KCNIP4: variants seen among roughly 807,000 people sequenced by gnomAD.
The protein encoded by KCNIP4 is Kv channel-interacting protein 4.
In KCNIP4, 12 loss-of-function variants were observed where a neutral mutation model predicts 34.0. That is an observed-to-expected ratio of 0.35 (90% CI 0.23 to 0.57). The LOEUF is 0.57. KCNIP4 is among the 20% of genes least tolerant of loss of function. The pLI, the probability that KCNIP4 is intolerant of heterozygous loss-of-function variation, is 0.83. For synonymous variants in KCNIP4, 124 were observed against 102.2 expected, an observed-to-expected ratio of 1.21 and a Z score of -1.29; for missense variants, 238 against 311.7, an observed-to-expected ratio of 0.76 and a Z score of 1.78.
intron 1 of KCNIP4, among the ~76,000 whole-genome samples, chr4:21,108,381 TGATC>T (rs1438660870): frequency 2.0e-5 from 3 of 151,192 alleles, no homozygotes; most frequent in Admixed American, 6.6e-5. Context: ...TTCTTCCAGT[TGATC>T]GCATCGGCTC....
At chr4:21,415,590 T>C (rs1157514952) in intron 1 of KCNIP4, among the ~76,000 whole-genome samples, 1 of 151,008 alleles carries the variant, frequency 6.6e-6, no homozygotes, top group East Asian at 2.0e-4. Flanking sequence ...TAATCCCAAC[T>C]ATTCAGGAGG....
At chr4:20,888,889 C>T (rs1003654464) in intron 1 of KCNIP4, among the ~76,000 whole-genome samples, 2 of 152,210 alleles carry the variant, frequency 1.3e-5, no homozygotes, top group Admixed American at 1.3e-4. Flanking sequence ...CTAAAGGCTA[C>T]CATGCCTGGT....
intron 1 of KCNIP4, among the ~76,000 whole-genome samples, chr4:21,027,993 G>A (rs1261913666): frequency 1.3e-5 from 2 of 152,070 alleles, no homozygotes; most frequent in African/African-American, 2.4e-5. Context: ...CACAATCACT[G>A]TGTCCTTAAC....
intron 1 of KCNIP4, among the ~76,000 whole-genome samples, chr4:21,048,168 G>A (rs7684200): frequency 0.51 from 76,986 of 152,092 alleles, 21,072 homozygotes; most frequent in African/African-American, 0.73. Context: ...ACATTATTCT[G>A]TGGAAATAAA....
At chr4:21,874,783 G>T (rs576995712) in intron 1 of KCNIP4, among the ~76,000 whole-genome samples, 147 of 152,144 alleles carry the variant, frequency 9.7e-4, no homozygotes, top group Middle Eastern at 3.4e-3. Flanking sequence ...ACAACATTTA[G>T]CATTCTTTTT....
chr4:21,400,374 T>C (rs1261345617), intron 1 of KCNIP4, among the ~76,000 whole-genome samples: 2 of 152,138 alleles, frequency 1.3e-5, no homozygotes, highest in African/African-American at 4.8e-5. Flanking sequence ...GGAGTTGAGC[T>C]AGACCTTGGT....
At chr4:21,416,432 C>A (rs1346081879) in intron 1 of KCNIP4, among the ~76,000 whole-genome samples, 1 of 152,064 alleles carries the variant, frequency 6.6e-6, no homozygotes, top group African/African-American at 2.4e-5. Flanking sequence ...TGATTGATAG[C>A]TATTAAATTA....
intron 1 of KCNIP4, among the ~76,000 whole-genome samples, chr4:21,519,056 G>T (rs959318596): frequency 9.2e-5 from 14 of 152,044 alleles, no homozygotes; most frequent in African/African-American, 3.4e-4. Context: ...TTTTCCCACG[G>T]TCACGGTTAT....
At chr4:21,499,775 T>G (rs1733158198) in intron 1 of KCNIP4, among the ~76,000 whole-genome samples, 1 of 152,276 alleles carries the variant, frequency 6.6e-6, no homozygotes, top group East Asian at 1.9e-4. Flanking sequence ...CACTTTGAAA[T>G]AGCACATTAT....
rs73802435 is a variant in KCNIP4, at chr4:21,044,307, C to T, written c.62-161598G>A. The stretch of plus-strand genomic sequence containing the variant: ...GCTGCACCTGAATCCTATCCCTTTC[C>T]CCCACAATTTTTTTTTTCTTTTGAG... On this transcript the variant is annotated intron_variant, in intron 1 of 8. Coordinates refer to ENST00000382152, the MANE Select transcript of KCNIP4 (RefSeq NM_025221.6). Among the ~76,000 whole-genome samples the T allele has an allele frequency of 5.4e-3, 818 of 152,008 alleles. 4 individuals are homozygous for T. The highest frequency in any genetic ancestry group is 0.017 in the African/African-American group (715 of 41,468).
At chr4:21,298,965 C>A (rs186717272) in intron 1 of KCNIP4, among the ~76,000 whole-genome samples, 3 of 152,030 alleles carry the variant, frequency 2.0e-5, no homozygotes, top group African/African-American at 7.2e-5. Context: ...TAATAAGATA[C>A]GGAGTCTGAT....
At chr4:21,035,802 T>C (rs1010768953) in intron 1 of KCNIP4, among the ~76,000 whole-genome samples, 6 of 152,176 alleles carry the variant, frequency 3.9e-5, no homozygotes, top group Non-Finnish European at 1.5e-5. Flanking sequence ...TCTAATGGCC[T>C]GCATCTGTGG....
intron 1 of KCNIP4, among the ~76,000 whole-genome samples, chr4:21,810,614 C>T (rs1407754963): frequency 3.4e-5 from 5 of 147,260 alleles, no homozygotes; most frequent in Non-Finnish European, 5.9e-5. Flanking sequence ...GGCATAAACC[C>T]GGGAGGCGGA....
At chr4:20,771,389 A>AT (rs1287607281) in intron 3 of KCNIP4, among the ~76,000 whole-genome samples, 1 of 152,260 alleles carries the variant, frequency 6.6e-6, no homozygotes, top group East Asian at 1.9e-4. Context: ...TGTGTAAGCC[A>AT]TTTTTTATTG....
intron 1 of KCNIP4, among the ~76,000 whole-genome samples, chr4:21,420,313 T>C (rs982558689): frequency 2.6e-5 from 4 of 152,224 alleles, no homozygotes; most frequent in Non-Finnish European, 4.4e-5. Flanking sequence ...CTGCCACCTC[T>C]GTACTTCACT....
chr4:21,467,407 G>T (rs570271271), intron 1 of KCNIP4, among the ~76,000 whole-genome samples: 1 of 152,192 alleles, frequency 6.6e-6, no homozygotes, highest in African/African-American at 2.4e-5. Context: ...GGAGCTACAC[G>T]CAGCCTGCCT....
At chr4:21,525,290 C>G (rs1735878131) in intron 1 of KCNIP4, among the ~76,000 whole-genome samples, 1 of 151,992 alleles carries the variant, frequency 6.6e-6, no homozygotes, top group Non-Finnish European at 1.5e-5. Context: ...GGCAATAGTC[C>G]TAATTTCATC....
intron 3 of KCNIP4, among the ~76,000 whole-genome samples, chr4:20,830,155 C>T (rs73112266): frequency 0.038 from 5,827 of 152,276 alleles, 243 homozygotes; most frequent in East Asian, 0.21. Flanking sequence ...ATGGCATCCT[C>T]ATTACATGAG....
At chr4:20,824,873 C>T (rs1025112332) in intron 3 of KCNIP4, among the ~76,000 whole-genome samples, 1 of 152,020 alleles carries the variant, frequency 6.6e-6, no homozygotes, top group Non-Finnish European at 1.5e-5. Flanking sequence ...ACCCAGATAA[C>T]TTGGTTTTGA....
Sources: gnomAD v4.1 joint callset for allele counts (sites outside exome capture counted in the v4.1 genomes callset) on GRCh38, gnomAD v4.1.1 for gene constraint, MANE v1.5 for transcripts, NCBI Gene and HGNC (gene_info 2026-07-23, HGNC 2026-07-21) for gene names.